RUNX1: variants seen among roughly 807,000 people sequenced by gnomAD.
The protein encoded by RUNX1 is RUNX family transcription factor 1, also known as runt-related transcription factor 1.
A neutral mutation model predicts 42.8 loss-of-function variants in RUNX1; 19 were observed. That is an observed-to-expected ratio of 0.44 (90% CI 0.31 to 0.65). The LOEUF is 0.65. Among genes scored for constraint, RUNX1 ranks in the 30% least tolerant of loss-of-function variants. RUNX1 has a pLI of 0.07. For missense variants in RUNX1, 528 were observed against 672.0 expected (o/e 0.79, Z 2.37); for synonymous variants, 271 against 289.4 (o/e 0.94, Z 0.64).
rs1161456210 is a variant in RUNX1 at position 34,843,534 on chromosome 21, C to T, written c.614-8933G>A. 6.6e-6 allele frequency among the ~76,000 whole-genome samples: 1 copy of T among 152,026 alleles called. No individual in the cohort carries two copies. On this transcript the variant is annotated intron_variant, in intron 6 of 8. Coordinates refer to ENST00000675419, the MANE Select transcript of RUNX1 (RefSeq NM_001754.5). The surrounding 1 kb of genome is among the most constrained non-coding windows in gnomAD (Gnocchi z 4.8). ...CATACATCCACTCACACACACACAC[C>T]GTTCTGTGATCGCCCTCAGGACATG...
At chr21:34,912,760 A>C (rs1379128362) in intron 2 of RUNX1, among the ~76,000 whole-genome samples, 1 of 152,214 alleles carries the variant, frequency 6.6e-6, no homozygotes, top group African/African-American at 2.4e-5. Flanking sequence ...TTGTTTCCAG[A>C]TATACAGGAC....
chr21:34,823,056 G>A (rs962554299), intron 7 of RUNX1, among the ~76,000 whole-genome samples: 2 of 152,208 alleles, frequency 1.3e-5, no homozygotes, highest in Admixed American at 6.5e-5. Context: ...AATGACTCAG[G>A]TTGAACACAT....
At chr21:34,868,437 A>G (rs1239310617) in intron 5 of RUNX1, among the ~76,000 whole-genome samples, 1 of 152,166 alleles carries the variant, frequency 6.6e-6, no homozygotes. Context: ...CGTGGATGTT[A>G]AGGCAATCCC....
At chr21:34,837,982 GA>G (rs202180601) in intron 6 of RUNX1, among the ~76,000 whole-genome samples, 4,478 of 152,228 alleles carry the variant, frequency 0.029, 79 homozygotes, top group African/African-American at 0.048. Context: ...CAAAAAAGGG[GA>G]AAAAATTGTA....
chr21:34,887,050 G>T lies in RUNX1; in HGVS notation c.144C>A (p.Ser48Arg). The change falls in exon 4 of 9, where the codon AGC (serine) becomes AGA (arginine). Residue 48 changes from serine (S) to arginine (R), a missense_variant. By Grantham distance (110) the Ser-to-Arg change is moderately radical (BLOSUM62 -1). This residue lies in a region of RUNX1 where 114 missense variants were observed against 115.0 expected (regional missense o/e 0.99). Transcript: ENST00000675419. ...RRFTPPSTAL[S>R]PGKMSEALPL... The stretch of plus-strand genomic sequence containing the variant: ...GCAACGCCTCGCTCATCTTGCCTGG[G>T]CTCAGCGCGGTGGAAGGCGGCGTGA... 1 of 1,600,644 alleles carries T rather than the reference G, an allele frequency of 6.2e-7. No individual in the cohort carries two copies. The highest frequency in any genetic ancestry group is 8.5e-7 in the Non-Finnish European group (1 of 1,179,862).
At chr21:34,911,977 G>A (rs1376341346) in intron 2 of RUNX1, among the ~76,000 whole-genome samples, 2 of 151,788 alleles carry the variant, frequency 1.3e-5, no homozygotes, top group South Asian at 2.1e-4. Context: ...TCACATGCAC[G>A]GGTTTCTTTT....
intron 2 of RUNX1, among the ~76,000 whole-genome samples, chr21:34,977,768 A>T (rs2058813929): frequency 6.6e-6 from 1 of 152,228 alleles, no homozygotes; most frequent in South Asian, 2.1e-4. Context: ...ATGTCGCTGG[A>T]GAGGCCAAAA....
intron 6 of RUNX1, among the ~76,000 whole-genome samples, chr21:34,854,478 A>G (rs2057468531): frequency 6.6e-6 from 1 of 151,878 alleles, no homozygotes; most frequent in Non-Finnish European, 1.5e-5. Flanking sequence ...CCAACTACTC[A>G]GGAGGCTGAG....
chr21:34,890,014 G>A (rs1601536860), intron 3 of RUNX1, among the ~76,000 whole-genome samples: 1 of 152,090 alleles, frequency 6.6e-6, no homozygotes, highest in Non-Finnish European at 1.5e-5. Context: ...CCGACCTCAC[G>A]GGGCCCCTGA....
At chr21:35,007,825 G>A (rs75034227) in intron 2 of RUNX1, among the ~76,000 whole-genome samples, 4,031 of 152,126 alleles carry the variant, frequency 0.026, 77 homozygotes, top group Middle Eastern at 0.061. Flanking sequence ...CCCAAACGCC[G>A]ATGAGATCCT....
intron 2 of RUNX1, among the ~76,000 whole-genome samples, chr21:34,981,935 T>C (rs2058849396): frequency 6.6e-6 from 1 of 152,208 alleles, no homozygotes; most frequent in Admixed American, 6.5e-5. Flanking sequence ...TATATGGGGC[T>C]GATGCTTGGC....
chr21:34,947,423 C>G (rs1174261456), intron 2 of RUNX1, among the ~76,000 whole-genome samples: 1 of 152,086 alleles, frequency 6.6e-6, no homozygotes, highest in Non-Finnish European at 1.5e-5. Context: ...GATGAACACC[C>G]ACACGCACAC....
At chr21:34,995,502 G>A (rs59230679) in intron 2 of RUNX1, among the ~76,000 whole-genome samples, 5,542 of 137,206 alleles carry the variant, frequency 0.04, 343 homozygotes, top group African/African-American at 0.14. Flanking sequence ...GTGCAGTGGT[G>A]TGATCACAGC....
intron 2 of RUNX1, among the ~76,000 whole-genome samples, chr21:35,035,605 T>G (rs769118746): frequency 2.0e-5 from 3 of 152,200 alleles, no homozygotes; most frequent in Non-Finnish European, 4.4e-5. Context: ...CTCACACCAT[T>G]GCAAGTGAAT....
chr21:34,825,638 T>G (rs1480195719), intron 7 of RUNX1, among the ~76,000 whole-genome samples: 1 of 152,200 alleles, frequency 6.6e-6, no homozygotes, highest in Non-Finnish European at 1.5e-5. Flanking sequence ...CTGTGCCTGG[T>G]CAATGGTCTG....
chr21:34,911,077 TA>T (rs2058268452), intron 2 of RUNX1, among the ~76,000 whole-genome samples: 1 of 152,126 alleles, frequency 6.6e-6, no homozygotes, highest in African/African-American at 2.4e-5. Flanking sequence ...AATATTTCAG[TA>T]AAAGGCCTGC....
chr21:34,850,118 A>T (rs2057396641), intron 6 of RUNX1, among the ~76,000 whole-genome samples: 1 of 152,206 alleles, frequency 6.6e-6, no homozygotes, highest in Admixed American at 6.5e-5. Flanking sequence ...GGGTATGAGA[A>T]AAATTCTAAA....
At chr21:35,040,702 C>A (rs748094315) in intron 2 of RUNX1, among the ~76,000 whole-genome samples, 15 of 136,744 alleles carry the variant, frequency 1.1e-4, no homozygotes, top group Admixed American at 4.9e-4. Context: ...ACGTGGGAGG[C>A]GGAGATTGCA....
intron 3 of RUNX1, chr21:34,889,603 C>T (rs2058052563): frequency 9.9e-7 from 1 of 1,005,344 alleles, no homozygotes; most frequent in Non-Finnish European, 1.2e-6. Context: ...CGTCTCCCCT[C>T]CGGCTCCCCG....
Sources: gnomAD v4.1 joint callset for allele counts (sites outside exome capture counted in the v4.1 genomes callset) on GRCh38, gnomAD v4.1.1 for gene constraint, gnomAD v4.1.1 regional missense constraint, Gnocchi (gnomAD v3.1) non-coding constraint, MANE v1.5 for transcripts, NCBI Gene and HGNC (gene_info 2026-07-23, HGNC 2026-07-21) for gene names.